The following HIP1 variants were observed in gnomAD, a reference collection of about 807,000 sequenced individuals.
HIP1 encodes huntingtin interacting protein 1, also known as huntingtin-interacting protein 1.
HIP1 carries 65 observed loss-of-function variants against 147.6 expected under a neutral mutation model. The ratio of observed to expected loss-of-function variants is 0.44; its 90% CI spans 0.36 to 0.54. HIP1 has a LOEUF of 0.54. HIP1 is among the 20% of genes least tolerant of loss of function. HIP1 has a pLI of 0.00. For missense variants in HIP1, 1,061 were observed against 1,299.6 expected, an observed-to-expected ratio of 0.82 and a Z score of 2.82; for synonymous variants, 479 against 504.0, an observed-to-expected ratio of 0.95 and a Z score of 0.67.
At chr7:75,572,533 A>G (rs1554496846) in intron 8 of HIP1, among the ~76,000 whole-genome samples, 1 of 152,208 alleles carries the variant, frequency 6.6e-6, no homozygotes, top group African/African-American at 2.4e-5. Flanking sequence ...CTAGAGGCAG[A>G]CAGAGAGGAC....
Position 75,549,012 on chromosome 7 carries a change from A to G in HIP1, c.2296-11T>C. On this transcript the variant is annotated splice_polypyrimidine_tract_variant and intron_variant, in intron 22 of 30. Transcript: ENST00000336926. ...CCTGGGCAGGAGCTCCTGTGAACAC[A>G]TCACAAAGGCTGAACTGACCTTGGG... 6.3e-7 allele frequency: 1 copy of G among 1,588,512 alleles called. No individual in the cohort carries two copies.
chr7:75,611,315 A>G (rs1390238431), intron 1 of HIP1, among the ~76,000 whole-genome samples: 1 of 151,848 alleles, frequency 6.6e-6, no homozygotes, highest in Admixed American at 6.6e-5. Flanking sequence ...AAAAATACAA[A>G]AAGTAGCCAG....
At position 75,597,739 on chromosome 7, in the gene HIP1, C is replaced by CAA. The variant is rs782340180; in HGVS notation, c.184+1443_184+1444dup. Among the ~76,000 whole-genome samples, 2 of 75,474 alleles carry CAA rather than the reference C, an allele frequency of 2.6e-5. 1 individual carries two copies. Among genetic ancestry groups the CAA allele is most frequent in the Non-Finnish European group, 4.6e-5 (2 of 43,166 alleles). 49.5% of individuals were successfully genotyped at this position (75,474 alleles called of 152,430 possible). A position where few individuals can be genotyped will look rare whatever the true frequency, so the allele number is the denominator to read the frequency against. On this transcript the variant is annotated intron_variant, in intron 2 of 30. Transcript: ENST00000336926. ...TAGGCGACAGAGCAAGACTCTGTCT[C>CAA]AAAAAAAAAAAAAAAAAAGTCCCAA...
chr7:75,641,772 CCTGA>C (rs1184944726), intron 1 of HIP1, among the ~76,000 whole-genome samples: 2 of 152,206 alleles, frequency 1.3e-5, no homozygotes, highest in Non-Finnish European at 2.9e-5. Flanking sequence ...AGCCACTGTG[CCTGA>C]CTGTTTTTCT....
rs1554488474 is a variant in HIP1, at chr7:75,535,757, G to T, written c.*2415C>A. On this transcript the variant is annotated 3_prime_UTR_variant, in exon 31 of 31. Coordinates refer to ENST00000336926, the MANE Select transcript of HIP1 (RefSeq NM_005338.7). Reference sequence around the variant, plus strand: ...ACGGAGTTTTGCTCTTGTTGCCCAGGCTGGAGTACAATGGCGTGATCTCAG... The same window carrying T: ...ACGGAGTTTTGCTCTTGTTGCCCAGTCTGGAGTACAATGGCGTGATCTCAG... 1.2e-5 allele frequency: 2 copies of T among 172,884 alleles called. No homozygotes were observed. Among genetic ancestry groups the T allele is most frequent in the African/African-American group, 4.8e-5 (2 of 41,962 alleles). 10.7% of individuals were successfully genotyped at this position (172,884 alleles called of 1,614,324 possible). A position where few individuals can be genotyped will look rare whatever the true frequency, so the allele number is the denominator to read the frequency against.
At chr7:75,713,368 AGACT>A (rs549655346) in intron 1 of HIP1, among the ~76,000 whole-genome samples, 49 of 152,328 alleles carry the variant, frequency 3.2e-4, no homozygotes, top group African/African-American at 1.1e-3. Context: ...GCTGGAACTA[AGACT>A]GACTGCCAAG....
At chr7:75,662,191 T>C (rs782696122) in intron 1 of HIP1, among the ~76,000 whole-genome samples, 4 of 152,018 alleles carry the variant, frequency 2.6e-5, no homozygotes, top group Admixed American at 1.3e-4. Context: ...TGTTTGTTTG[T>C]TTGTTTGTTT....
intron 9 of HIP1, among the ~76,000 whole-genome samples, chr7:75,563,888 T>TTC: frequency 6.6e-6 from 1 of 151,842 alleles, no homozygotes; most frequent in East Asian, 1.9e-4. Flanking sequence ...AATATTTTTT[T>TTC]TCTCTCTCTC....
intron 10 of HIP1, 51 bp from the exon 11 acceptor site, chr7:75,563,126 G>T: frequency 1.2e-6 from 2 of 1,614,056 alleles, no homozygotes; most frequent in South Asian, 1.1e-5. Flanking sequence ...AGGCCCCGCC[G>T]GCCCTTAAGA....
rs142508250 is a variant in HIP1 at position 75,673,650 on chromosome 7, T to C, written c.120+65151A>G. On this transcript the variant is annotated intron_variant, in intron 1 of 30. Transcript: ENST00000336926. ...TGGTTTTCTTAATTTCATTTTTGGA[T>C]TTTTCATAGCTAGCATATAGAAATA... Among the ~76,000 whole-genome samples, 1,344 of 152,116 alleles carry C rather than the reference T, an allele frequency of 8.8e-3. 22 individuals are homozygous for C. The highest frequency in any genetic ancestry group is 0.031 in the African/African-American group (1,281 of 41,502).
At chr7:75,682,621 C>T (rs1800129219) in intron 1 of HIP1, among the ~76,000 whole-genome samples, 1 of 128,858 alleles carries the variant, frequency 7.8e-6, no homozygotes, top group African/African-American at 2.8e-5. Flanking sequence ...AACAGCAGCC[C>T]AGAGGGAATT....
At chr7:75,610,092 A>G (rs201166066) in intron 1 of HIP1, among the ~76,000 whole-genome samples, 1 of 151,218 alleles carries the variant, frequency 6.6e-6, no homozygotes, top group Non-Finnish European at 1.5e-5. Context: ...TAGTAGAGAC[A>G]GGGTTTCGCC....
chr7:75,662,303 C>G (rs1799347453), intron 1 of HIP1, among the ~76,000 whole-genome samples: 2 of 152,026 alleles, frequency 1.3e-5, no homozygotes, highest in African/African-American at 4.8e-5. Flanking sequence ...CCCACCCCAG[C>G]CTCCCGAGTA....
At chr7:75,584,939 C>T (rs1554499269) in intron 5 of HIP1, among the ~76,000 whole-genome samples, 3 of 151,766 alleles carry the variant, frequency 2.0e-5, no homozygotes, top group Admixed American at 2.0e-4. Flanking sequence ...ACCTCCGCCT[C>T]CTGGGTTCAA....
intron 1 of HIP1, among the ~76,000 whole-genome samples, chr7:75,698,548 T>G (rs1800709396): frequency 6.6e-6 from 1 of 152,142 alleles, no homozygotes; most frequent in Non-Finnish European, 1.5e-5. Context: ...CCAGGTGTGG[T>G]GGCTTGTGAC....
At chr7:75,610,181 G>A (rs1218365195) in intron 1 of HIP1, among the ~76,000 whole-genome samples, 2 of 150,376 alleles carry the variant, frequency 1.3e-5, no homozygotes, top group Non-Finnish European at 3.0e-5. Context: ...GGGATTACAG[G>A]CATGAGCCAC....
At chr7:75,609,437 A>G (rs1797344023) in intron 1 of HIP1, among the ~76,000 whole-genome samples, 1 of 152,132 alleles carries the variant, frequency 6.6e-6, no homozygotes, top group Non-Finnish European at 1.5e-5. Flanking sequence ...ATGGCTCACT[A>G]ACACTGTGTA....
chr7:75,642,381 C>G (rs532311089), intron 1 of HIP1, among the ~76,000 whole-genome samples: 1 of 152,230 alleles, frequency 6.6e-6, no homozygotes, highest in African/African-American at 2.4e-5. Context: ...ACTAAAAATA[C>G]AAAAATATCT....
At chr7:75,639,256 G>A (rs1584909851) in intron 1 of HIP1, 2 of 733,338 alleles carry the variant, frequency 2.7e-6, no homozygotes, top group Non-Finnish European at 3.3e-6. Context: ...GGGAGGGGGA[G>A]GGGAGGCGGC....
Sources: gnomAD v4.1 joint callset for allele counts (sites outside exome capture counted in the v4.1 genomes callset) on GRCh38, gnomAD v4.1.1 for gene constraint, MANE v1.5 for transcripts, NCBI Gene and HGNC (gene_info 2026-07-23, HGNC 2026-07-21) for gene names.